Variants in COL19A1 observed in about 807,000 individuals in gnomAD.
COL19A1 encodes the protein collagen type XIX alpha 1 chain, also known as collagen alpha-1(XIX) chain.
In COL19A1, 159 loss-of-function variants were observed where a neutral mutation model predicts 190.2. That is an observed-to-expected ratio of 0.84 (90% CI 0.73 to 0.95). The LOEUF (loss-of-function observed/expected upper bound fraction) is 0.95. Ranked by LOEUF, COL19A1 falls within the 40% of genes least tolerant of loss-of-function variation. COL19A1 has a pLI of 0.00. For synonymous variants in COL19A1, 509 were observed against 458.9 expected (o/e 1.11, Z -1.39); for missense variants, 1,418 against 1,431.9 (o/e 0.99, Z 0.16).
chr6:70,134,776 C>T (rs1582995433), intron 18 of COL19A1, among the ~76,000 whole-genome samples: 1 of 152,294 alleles, frequency 6.6e-6, no homozygotes, highest in East Asian at 1.9e-4. Flanking sequence ...GCACAAAATA[C>T]TTCTATGACC....
intron 5 of COL19A1, 124 bp downstream of exon 5, chr6:69,928,156 A>T (rs1582432032): frequency 8.0e-7 from 1 of 1,243,526 alleles, no homozygotes; most frequent in East Asian, 2.5e-5. Flanking sequence ...CTTTAGAGGG[A>T]TCATCAACAA....
At chr6:70,034,415 C>A in intron 13 of COL19A1, 117 bp downstream of exon 13, 1 of 760,026 alleles carries the variant, frequency 1.3e-6, no homozygotes, top group Non-Finnish European at 2.3e-6. Context: ...TAACCAAAAG[C>A]TGTTACCTTA....
chr6:70,142,719 T>G, intron 22 of COL19A1, 48 bp from the exon 23 acceptor site: 1 of 1,535,866 alleles, frequency 6.5e-7, no homozygotes, highest in South Asian at 1.2e-5. Flanking sequence ...ATCTATCTTT[T>G]TTTTTCTTTT....
chr6:70,046,199 A>T (rs1341662087), intron 14 of COL19A1, among the ~76,000 whole-genome samples: 1 of 152,042 alleles, frequency 6.6e-6, no homozygotes, highest in Non-Finnish European at 1.5e-5. Context: ...CAATTCTCAC[A>T]CCTCTGCTAT....
At chr6:69,876,092 A>G (rs1170076289) in intron 1 of COL19A1, among the ~76,000 whole-genome samples, 1 of 152,204 alleles carries the variant, frequency 6.6e-6, no homozygotes, top group Non-Finnish European at 1.5e-5. Flanking sequence ...GCCACCAAGA[A>G]TTGAAGAAGG....
chr6:70,159,817 A>T (rs1269737928), intron 34 of COL19A1, among the ~76,000 whole-genome samples: 1 of 152,194 alleles, frequency 6.6e-6, no homozygotes, highest in Non-Finnish European at 1.5e-5. Context: ...TTGTATGATG[A>T]CAAAGAATGG....
intron 15 of COL19A1, among the ~76,000 whole-genome samples, chr6:70,085,037 T>A (rs1057287476): frequency 1.3e-5 from 2 of 152,146 alleles, no homozygotes; most frequent in Non-Finnish European, 2.9e-5. Flanking sequence ...GAAAAATATA[T>A]GTGTAAAGTA....
chr6:69,956,261 T>C (rs1159380450), intron 9 of COL19A1, among the ~76,000 whole-genome samples: 3 of 152,038 alleles, frequency 2.0e-5, no homozygotes, highest in East Asian at 1.9e-4. Flanking sequence ...TCATTTAAGA[T>C]TAAAGTTTCA....
intron 14 of COL19A1, among the ~76,000 whole-genome samples, chr6:70,043,038 C>T (rs1582761811): frequency 6.6e-6 from 1 of 152,116 alleles, no homozygotes; most frequent in South Asian, 2.1e-4. Context: ...TCAACCTCTT[C>T]CAAATTCCTG....
chr6:70,110,980 A>G (rs761831769), intron 16 of COL19A1, among the ~76,000 whole-genome samples: 1 of 152,180 alleles, frequency 6.6e-6, no homozygotes, highest in East Asian at 1.9e-4. Context: ...TGGATTCAAC[A>G]TCATTTCTTT....
chr6:69,928,355 A>C (rs188124010), intron 5 of COL19A1, among the ~76,000 whole-genome samples: 83 of 152,204 alleles, frequency 5.5e-4, no homozygotes, highest in African/African-American at 1.9e-3. Context: ...CACATTCTTC[A>C]TCTTCCTTCT....
At chr6:69,903,883 C>T (rs1028861978) in intron 4 of COL19A1, among the ~76,000 whole-genome samples, 6 of 152,140 alleles carry the variant, frequency 3.9e-5, no homozygotes, top group Non-Finnish European at 7.4e-5. Context: ...GGAGCATTGC[C>T]GCTTCTAAAT....
chr6:70,197,761 C>G lies in COL19A1; in HGVS notation c.3095-1847C>G, dbSNP rs1350606234. Among the ~76,000 whole-genome samples the G allele has an allele frequency of 7.2e-5, 11 of 152,276 alleles. No individual in the cohort carries two copies. In the East Asian group the frequency reaches 2.1e-3, roughly 29 times the overall value. ...GCATCCATTAGATCCCTGTTGGCCT[C>G]CCATTCATCCTTCAGTCTGCAGCCA... On this transcript the variant is annotated intron_variant, in intron 48 of 50. Coordinates refer to ENST00000620364, the MANE Select transcript of COL19A1 (RefSeq NM_001858.6).
At chr6:70,157,849 AC>A (rs1467590956) in intron 34 of COL19A1, among the ~76,000 whole-genome samples, 1 of 152,190 alleles carries the variant, frequency 6.6e-6, no homozygotes, top group Non-Finnish European at 1.5e-5. Flanking sequence ...GAAGGTAATA[AC>A]AAAAAGATCA....
rs553523964 is a variant in COL19A1 at position 70,114,472 on chromosome 6, G to T, written c.1279-7408G>T. Among the ~76,000 whole-genome samples, 20 of 152,282 alleles carry T rather than the reference G, an allele frequency of 1.3e-4. No individual in the cohort carries two copies. In the South Asian group the frequency reaches 3.9e-3, roughly 30 times the overall value. On this transcript the variant is annotated intron_variant, in intron 16 of 50. Coordinates refer to ENST00000620364, the MANE Select transcript of COL19A1 (RefSeq NM_001858.6). ...AAATAAGGAAACACCACCTCACTGGGCTGCTGTAAGAGCTAAATGCAATAA... is the reference window on the plus strand; with the variant it reads ...AAATAAGGAAACACCACCTCACTGGTCTGCTGTAAGAGCTAAATGCAATAA...
chr6:70,016,968 A>G (rs572793942), intron 11 of COL19A1, among the ~76,000 whole-genome samples: 47 of 152,230 alleles, frequency 3.1e-4, no homozygotes, highest in Non-Finnish European at 5.9e-4. Flanking sequence ...AGTTAAACAC[A>G]TACTTACCTA....
At chr6:70,067,522 G>C (rs1582828798) in intron 14 of COL19A1, among the ~76,000 whole-genome samples, 4 of 152,084 alleles carry the variant, frequency 2.6e-5, no homozygotes, top group Admixed American at 2.6e-4. Flanking sequence ...GTGGATGCCT[G>C]TGAGGTAGCA....
intron 15 of COL19A1, among the ~76,000 whole-genome samples, chr6:70,071,896 G>C (rs1037653786): frequency 2.0e-5 from 3 of 152,108 alleles, no homozygotes; most frequent in South Asian, 2.1e-4. Context: ...GTAAGTGGAG[G>C]GATGCTGGAT....
chr6:70,165,149 G>A (rs1765068825), intron 36 of COL19A1, among the ~76,000 whole-genome samples: 1 of 152,154 alleles, frequency 6.6e-6, no homozygotes, highest in Admixed American at 6.5e-5. Flanking sequence ...TGAGAGAAAA[G>A]CAGAGTTATA....
Sources: allele counts gnomAD v4.1 joint callset (sites outside exome capture counted in the v4.1 genomes callset), GRCh38; gene constraint gnomAD v4.1.1; transcripts MANE v1.5; gene names NCBI Gene and HGNC (gene_info 2026-07-23, HGNC 2026-07-21).